Variants in TTC28 observed in about 807,000 individuals in gnomAD.
TTC28 encodes tetratricopeptide repeat protein 28.
TTC28 carries 61 observed loss-of-function variants against 198.0 expected under a neutral mutation model. That is an observed-to-expected ratio of 0.31 (90% confidence interval 0.25 to 0.38). The LOEUF (loss-of-function observed/expected upper bound fraction) is 0.38. Among genes scored for constraint, TTC28 ranks in the 10% least tolerant of loss-of-function variants. The pLI is 1.00. For synonymous variants in TTC28, 1,171 were observed against 1,297.8 expected (o/e 0.90, Z 2.10); for missense variants, 2,678 against 3,164.0 (o/e 0.85, Z 3.69).
chr22:28,606,239 A>G (rs1234894162), intron 2 of TTC28, among the ~76,000 whole-genome samples: 1 of 151,990 alleles, frequency 6.6e-6, no homozygotes, highest in Non-Finnish European at 1.5e-5. Context: ...GCACGCCATC[A>G]TGCATGGCTT....
In TTC28 at chr22:28,163,375, G is replaced by A; in HGVS notation, c.1158C>T (p.Asp386=). ...GGGCCTCTTCTCGCTTGTTCCCCAG[G>A]TCCTTGGCTATCTTCAGATGCTGCT... ...CHEQHLKIAK[D]LGNKREEARA... Residue 386 remains aspartate, a synonymous_variant, in exon 6 of 23, where the codon GAC becomes GAT. Coordinates refer to ENST00000397906, the MANE Select transcript of TTC28 (RefSeq NM_001145418.2). 2 of 1,551,980 alleles carry A rather than the reference G, an allele frequency of 1.3e-6. No homozygotes were observed. The highest frequency in any genetic ancestry group is 1.7e-6 in the Non-Finnish European group (2 of 1,147,060).
intron 2 of TTC28, among the ~76,000 whole-genome samples, chr22:28,315,656 G>T (rs767501686): frequency 6.6e-5 from 10 of 152,038 alleles, no homozygotes; most frequent in Non-Finnish European, 1.5e-4. Context: ...TTCTTTTTTA[G>T]TTCCTTTTCC....
chr22:28,598,334 C>G (rs1217258811), intron 2 of TTC28, among the ~76,000 whole-genome samples: 1 of 151,502 alleles, frequency 6.6e-6, no homozygotes, highest in East Asian at 2.0e-4. Context: ...CATGGTGAAA[C>G]CCCATCTCTA....
Position 28,458,753 on chromosome 22 carries a change from C to T in TTC28, c.382-152110G>A, listed in dbSNP as rs933931048. Among the ~76,000 whole-genome samples the T allele has an allele frequency of 4.6e-5, 7 of 151,682 alleles. No individual in the cohort carries two copies. The South Asian group carries it at 8.4e-4, about 18-fold the overall frequency. On this transcript the variant is annotated intron_variant, in intron 2 of 22. Coordinates refer to ENST00000397906, the MANE Select transcript of TTC28 (RefSeq NM_001145418.2). ...AAAATTAGCCGGGCGTGGTGGCGGG[C>T]GCCTGTAGTCCCAGCTACTCGGGAG...
At chr22:28,161,690 A>G (rs1921200952) in intron 6 of TTC28, among the ~76,000 whole-genome samples, 1 of 150,592 alleles carries the variant, frequency 6.6e-6, no homozygotes, top group Admixed American at 6.6e-5. Flanking sequence ...AAGGAAGGAA[A>G]GGAGAGGAGA....
chr22:28,312,149 C>T (rs1289939195), intron 2 of TTC28, among the ~76,000 whole-genome samples: 2 of 152,006 alleles, frequency 1.3e-5, no homozygotes, highest in African/African-American at 4.8e-5. Context: ...GGGATCAATT[C>T]AACAAGAAGA....
intron 12 of TTC28, among the ~76,000 whole-genome samples, chr22:28,092,331 C>T (rs1295075158): frequency 6.6e-6 from 1 of 152,148 alleles, no homozygotes; most frequent in African/African-American, 2.4e-5. Context: ...TCTCCTTGTT[C>T]ATCAGGATCC....
intron 2 of TTC28, among the ~76,000 whole-genome samples, chr22:28,372,224 A>C (rs1361851154): frequency 6.6e-6 from 1 of 152,232 alleles, no homozygotes; most frequent in Non-Finnish European, 1.5e-5. Context: ...TACTACTAAA[A>C]ACATCTAATT....
intron 2 of TTC28, among the ~76,000 whole-genome samples, chr22:28,610,374 G>A (rs2146147139): frequency 6.6e-6 from 1 of 152,292 alleles, no homozygotes; most frequent in South Asian, 2.1e-4. Flanking sequence ...CCTCTGGAAA[G>A]AAGCTTCCAG....
intron 1 of TTC28, among the ~76,000 whole-genome samples, chr22:28,670,721 A>ATATG (rs1555909596): frequency 6.7e-6 from 1 of 150,324 alleles, no homozygotes; most frequent in African/African-American, 2.5e-5. Flanking sequence ...ATATATATAT[A>ATATG]TATGAGTGGA....
At chr22:28,546,719 G>C (rs922548241) in intron 2 of TTC28, among the ~76,000 whole-genome samples, 3 of 151,880 alleles carry the variant, frequency 2.0e-5, no homozygotes, top group African/African-American at 7.3e-5. Context: ...CTAACTCAAA[G>C]GTCCATCAAC....
chr22:28,301,650 T>A (rs1031313975), intron 3 of TTC28, among the ~76,000 whole-genome samples: 2 of 152,192 alleles, frequency 1.3e-5, no homozygotes, highest in Admixed American at 6.5e-5. Context: ...AAATGGTGTG[T>A]CACTTTTATA....
At chr22:28,652,008 T>A (rs2051572105) in intron 1 of TTC28, among the ~76,000 whole-genome samples, 1 of 151,950 alleles carries the variant, frequency 6.6e-6, no homozygotes, top group East Asian at 1.9e-4. Flanking sequence ...CCTGGCTAAT[T>A]TTTGTATTTT....
intron 2 of TTC28, among the ~76,000 whole-genome samples, chr22:28,447,989 A>C (rs2047727319): frequency 6.6e-6 from 1 of 152,146 alleles, no homozygotes; most frequent in South Asian, 2.1e-4. Flanking sequence ...CTTACTCCAA[A>C]TTGAACCTGT....
intron 2 of TTC28, among the ~76,000 whole-genome samples, chr22:28,553,964 G>A (rs1307337304): frequency 9.2e-5 from 14 of 152,298 alleles, no homozygotes; most frequent in Admixed American, 4.6e-4. Flanking sequence ...TTGAGAAATC[G>A]GATGGTTGCC....
intron 12 of TTC28, among the ~76,000 whole-genome samples, chr22:28,053,006 A>G (rs1940144697): frequency 6.6e-6 from 1 of 152,264 alleles, no homozygotes; most frequent in African/African-American, 2.4e-5. Context: ...ACTCATGTGG[A>G]TGGCACTCCA....
chr22:27,999,327 G>T, intron 15 of TTC28, 67 bp from the exon 16 acceptor site: 1 of 1,481,660 alleles, frequency 6.7e-7, no homozygotes, highest in South Asian at 1.4e-5. Context: ...GGCAGTGGTC[G>T]GCCGAGCACA....
intron 6 of TTC28, among the ~76,000 whole-genome samples, chr22:28,138,422 G>C (rs1943252444): frequency 6.6e-6 from 1 of 152,182 alleles, no homozygotes; most frequent in Admixed American, 6.5e-5. Flanking sequence ...ATGTTTACAA[G>C]TATTTGCACA....
chr22:28,075,024 G>T (rs566351712), intron 12 of TTC28, among the ~76,000 whole-genome samples: 98 of 152,152 alleles, frequency 6.4e-4, no homozygotes, highest in African/African-American at 2.2e-3. Context: ...GGAGGCAGAG[G>T]TTTCAGTGAG....
Sources: gnomAD v4.1 joint callset for allele counts (sites outside exome capture counted in the v4.1 genomes callset) on GRCh38, gnomAD v4.1.1 for gene constraint, MANE v1.5 for transcripts, NCBI Gene and HGNC (gene_info 2026-07-23, HGNC 2026-07-21) for gene names.